The following DNAJC10 variants were observed in gnomAD, a reference collection of about 807,000 sequenced individuals.
The protein encoded by DNAJC10 is DnaJ heat shock protein family (Hsp40) member C10, also known as endoplasmic reticulum disulfide reductase DNAJC10.
DNAJC10 carries 101 observed loss-of-function variants against 115.0 expected under a neutral mutation model. That is an observed-to-expected ratio of 0.88 (90% CI 0.75 to 1.04). The LOEUF is 1.04. Ranked by LOEUF, DNAJC10 falls within the 50% of genes least tolerant of loss-of-function variation. DNAJC10 has a pLI of 0.00. For synonymous variants in DNAJC10, 307 were observed against 301.5 expected (o/e 1.02, Z -0.19); for missense variants, 981 against 928.8 (o/e 1.06, Z -0.73).
chr2:182,743,458 GTC>G lies in DNAJC10; in HGVS notation c.1192-136_1192-135del, dbSNP rs879147480. On this transcript the variant is annotated intron_variant, in intron 13 of 23. Transcript: ENST00000264065. The stretch of plus-strand genomic sequence containing the variant: ...TATTAAATGTAAATGAATTATTTCT[GTC>G]TCTTATTTTCGTAGCCTATTAGCTT... The G allele has an allele frequency of 1.5e-5, 9 of 606,846 alleles. No individual in the cohort carries two copies. In the South Asian group the frequency reaches 1.6e-4, roughly 11 times the overall value. The allele number at this position is 606,846 out of a possible 1,614,324, so 37.6% of individuals were successfully genotyped here. A position where few individuals can be genotyped will look rare whatever the true frequency, so the allele number is the denominator to read the frequency against.
chr2:182,743,135 A>G (rs528304461), intron 13 of DNAJC10, among the ~76,000 whole-genome samples: 8 of 152,232 alleles, frequency 5.3e-5, no homozygotes, highest in African/African-American at 1.9e-4. Context: ...GCATGAGCCA[A>G]TGCGCCTGGC....
rs759337733 is a variant in DNAJC10 at position 182,718,305 on chromosome 2, G to T, written c.204+15G>T. On this transcript the variant is annotated intron_variant, in intron 3 of 23. Coordinates refer to ENST00000264065, the MANE Select transcript of DNAJC10 (RefSeq NM_018981.4). ...ATAAAAACCCGGTAGGTAAACGTTT[G>T]TTTTTAAAAATATTTGATTATATTT... 4 of 1,553,060 alleles carry T rather than the reference G, an allele frequency of 2.6e-6. No homozygotes were observed. The highest frequency in any genetic ancestry group is 1.2e-5 in the South Asian group (1 of 81,058).
intron 11 of DNAJC10, among the ~76,000 whole-genome samples, chr2:182,738,531 A>C (rs980394408): frequency 6.6e-6 from 1 of 151,504 alleles, no homozygotes; most frequent in Non-Finnish European, 1.5e-5. Flanking sequence ...CCCCAAAAGC[A>C]GTCAGGTTTT....
At position 182,752,195 on chromosome 2, in the gene DNAJC10, C is replaced by G; in HGVS notation, c.1551+7C>G. On this transcript the variant is annotated splice_region_variant and intron_variant, in intron 16 of 23. Coordinates refer to ENST00000264065, the MANE Select transcript of DNAJC10 (RefSeq NM_018981.4). ...TGAGGGACTCTGTAACATGGTAAGGCAAAGTATCAAAAATTATTCTAATTA... is the reference window on the plus strand; with the variant it reads ...TGAGGGACTCTGTAACATGGTAAGGGAAAGTATCAAAAATTATTCTAATTA... 7.3e-7 allele frequency: 1 copy of G among 1,364,916 alleles called. No homozygotes were observed. The highest frequency in any genetic ancestry group is 1.7e-5 in the South Asian group (1 of 60,042). 84.6% of individuals were successfully genotyped at this position (1,364,916 alleles called of 1,614,324 possible).
intron 14 of DNAJC10, among the ~76,000 whole-genome samples, chr2:182,747,377 TC>T (rs1391256399): frequency 1.3e-5 from 2 of 152,014 alleles, no homozygotes. Flanking sequence ...GGAATGTTCT[TC>T]CATTTGTTTG....
At position 182,741,168 on chromosome 2, in the gene DNAJC10, C is replaced by G. The variant is rs945510979; in HGVS notation, c.1078-75C>G. 68 of 1,011,042 alleles carry G rather than the reference C, an allele frequency of 6.7e-5. 1 individual carries two copies. In the South Asian group the frequency reaches 7.0e-4, roughly 10 times the overall value. The allele number at this position is 1,011,042 out of a possible 1,614,324, so 62.6% of individuals were successfully genotyped here. Reference sequence around the variant, plus strand: ...TGGGTAGGGGAGCTAAAACTAACTTCAAGTCATAGAAATGAAGATTAGAAC... The same window carrying G: ...TGGGTAGGGGAGCTAAAACTAACTTGAAGTCATAGAAATGAAGATTAGAAC... On this transcript the variant is annotated intron_variant, in intron 12 of 23. Coordinates refer to ENST00000264065, the MANE Select transcript of DNAJC10 (RefSeq NM_018981.4).
chr2:182,722,087 G>A lies in DNAJC10; in HGVS notation c.418+12G>A. ...AAGAAGAGAATTTGGTAAGTTTGTGGGCTTAAGGTTTTATAAAACTAATAC... is the reference window on the plus strand; with the variant it reads ...AAGAAGAGAATTTGGTAAGTTTGTGAGCTTAAGGTTTTATAAAACTAATAC... On this transcript the variant is annotated intron_variant, in intron 5 of 23. Transcript: ENST00000264065. 1 of 1,553,608 alleles carries A rather than the reference G, an allele frequency of 6.4e-7. No individual in the cohort carries two copies.
chr2:182,738,143 G>C (rs1483067485), intron 11 of DNAJC10, among the ~76,000 whole-genome samples: 1 of 152,134 alleles, frequency 6.6e-6, no homozygotes, highest in African/African-American at 2.4e-5. Context: ...GACATACTTA[G>C]TTTAATCAGT....
rs1414614819 is a variant in DNAJC10 at position 182,741,318 on chromosome 2, A to C, written c.1153A>C (p.Lys385Gln). 1.3e-6 allele frequency: 2 copies of C among 1,595,282 alleles called. No homozygotes were observed. Among genetic ancestry groups the C allele is most frequent in the Non-Finnish European group, 1.7e-6 (2 of 1,170,728 alleles). The change falls in exon 13 of 24, where the codon AAA becomes CAA. Residue 385 changes from lysine (K) to glutamine (Q), a missense_variant. Lys to Gln is a moderately conservative substitution (Grantham distance 53). Coordinates refer to ENST00000264065, the MANE Select transcript of DNAJC10 (RefSeq NM_018981.4). The stretch of plus-strand genomic sequence containing the variant: ...TGAAAATTCAAATGATCCTGAGCTG[A>C]AAAAACTAAAAACTCTACTTAAAAA... ...KNENSNDPELKKLKTLLKNDH... is the reference protein window; with the variant it reads ...KNENSNDPELQKLKTLLKNDH...
intron 5 of DNAJC10, among the ~76,000 whole-genome samples, chr2:182,724,889 A>G (rs950934262): frequency 6.6e-6 from 1 of 152,240 alleles, no homozygotes; most frequent in Non-Finnish European, 1.5e-5. Context: ...GAAGTGCTCG[A>G]TGAAGACAAA....
At chr2:182,730,713 A>T (rs1370795649) in intron 8 of DNAJC10, among the ~76,000 whole-genome samples, 1 of 152,160 alleles carries the variant, frequency 6.6e-6, no homozygotes, top group Non-Finnish European at 1.5e-5. Flanking sequence ...AAGATCAATA[A>T]TTGGGTCAAG....
intron 22 of DNAJC10, among the ~76,000 whole-genome samples, chr2:182,766,351 G>A (rs1694411581): frequency 6.6e-6 from 1 of 152,160 alleles, no homozygotes; most frequent in Admixed American, 6.6e-5. Context: ...ATGATGTAAA[G>A]AGGGTGATGA....
Position 182,788,915 on chromosome 2 carries a change from G to A in DNAJC10, c.*11783G>A. Reference sequence around the variant, plus strand: ...TTCCTTTTAGAGTTTTTTAAATTGTGATAAAGTACATGTAACAAAATTTAT... The same window carrying A: ...TTCCTTTTAGAGTTTTTTAAATTGTAATAAAGTACATGTAACAAAATTTAT... On this transcript the variant is annotated 3_prime_UTR_variant, in exon 24 of 24. Transcript: ENST00000264065. 1 of 426,196 alleles carries A rather than the reference G, an allele frequency of 2.3e-6. No individual in the cohort carries two copies. Among genetic ancestry groups the A allele is most frequent in the Non-Finnish European group, 4.6e-6 (1 of 217,496 alleles). The allele number at this position is 426,196 out of a possible 1,614,324, so 26.4% of individuals were successfully genotyped here.
chr2:182,754,783 G>A (rs1373347589), intron 16 of DNAJC10: 1 of 1,287,858 alleles, frequency 7.8e-7, no homozygotes, highest in Non-Finnish European at 9.9e-7. Context: ...ATGGCGAATG[G>A]AGCAGCTATA....
At chr2:182,721,106 G>C (rs1693139436) in intron 4 of DNAJC10, among the ~76,000 whole-genome samples, 1 of 152,130 alleles carries the variant, frequency 6.6e-6, no homozygotes, top group African/African-American at 2.4e-5. Context: ...TGTGTTCAGA[G>C]ACCCAGTGTT....
chr2:182,784,596 G>A lies in DNAJC10; in HGVS notation c.*7464G>A, dbSNP rs1320092864. ...CTACTGTGATAAGAATTTCTGACTA[G>A]AAATTATAAATTCATTGTTTTATGC... On this transcript the variant is annotated 3_prime_UTR_variant, in exon 24 of 24. Transcript: ENST00000264065. The A allele has an allele frequency of 1.3e-5, 2 of 152,146 alleles. No homozygotes were observed. The highest frequency in any genetic ancestry group is 2.9e-5 in the Non-Finnish European group (2 of 68,024). The allele number at this position is 152,146 out of a possible 1,614,324, so 9.4% of individuals were successfully genotyped here. A position where few individuals can be genotyped will look rare whatever the true frequency, so the allele number is the denominator to read the frequency against.
At position 182,788,752 on chromosome 2, in the gene DNAJC10, A is replaced by G. The variant is rs1694995292; in HGVS notation, c.*11620A>G. 1 of 444,374 alleles carries G rather than the reference A, an allele frequency of 2.3e-6. No homozygotes were observed. The highest frequency in any genetic ancestry group is 2.0e-5 in the African/African-American group (1 of 49,122). 27.5% of individuals were successfully genotyped at this position (444,374 alleles called of 1,614,324 possible). On this transcript the variant is annotated 3_prime_UTR_variant, in exon 24 of 24. Transcript: ENST00000264065. ...GGGAAGTTCCTACTTGGGAAAACGG[A>G]AAGGTAGACTATTCAGAAGTTTTCT...
intron 2 of DNAJC10, among the ~76,000 whole-genome samples, chr2:182,717,464 G>C (rs1047757965): frequency 6.6e-5 from 10 of 152,108 alleles, no homozygotes; most frequent in Non-Finnish European, 1.5e-4. Context: ...TGTCATTTCT[G>C]GTAGGGTTAT....
At chr2:182,740,073 A>G (rs288256) in intron 11 of DNAJC10, 639,743 of 1,020,024 alleles carry the variant, frequency 0.63, 202,259 homozygotes, top group Middle Eastern at 0.72. Context: ...CTTATAATGG[A>G]ATTTATTGTA....
Sources: gnomAD v4.1 joint callset for allele counts (sites outside exome capture counted in the v4.1 genomes callset) on GRCh38, gnomAD v4.1.1 for gene constraint, MANE v1.5 for transcripts, NCBI Gene and HGNC (gene_info 2026-07-23, HGNC 2026-07-21) for gene names.